The following CTNNAL1 variants were observed in gnomAD, a reference collection of about 807,000 sequenced individuals.
The protein encoded by CTNNAL1 is alpha-catulin.
CTNNAL1 carries 69 observed loss-of-function variants against 93.6 expected under a neutral mutation model. The observed-to-expected ratio is 0.74, with a 90% CI of 0.61 to 0.90. The LOEUF is 0.90. Ranked by LOEUF, CTNNAL1 falls within the 40% of genes least tolerant of loss-of-function variation. CTNNAL1 has a pLI of 0.00. For missense variants in CTNNAL1, 836 were observed against 862.0 expected, an observed-to-expected ratio of 0.97 and a Z score of 0.38; for synonymous variants, 286 against 305.4, an observed-to-expected ratio of 0.94 and a Z score of 0.66.
intron 2 of CTNNAL1, among the ~76,000 whole-genome samples, chr9:108,994,329 T>C (rs565688670): frequency 6.6e-6 from 1 of 151,934 alleles, no homozygotes; most frequent in African/African-American, 2.4e-5. Flanking sequence ...GGGTGTGAAA[T>C]AGTAGGGACC....
At chr9:108,950,644 G>C (rs2289481) in intron 14 of CTNNAL1, 554,634 of 1,538,994 alleles carry the variant, frequency 0.36, 101,975 homozygotes, top group Admixed American at 0.48. Flanking sequence ...CCTCACTTCT[G>C]TCTGCTGCCT....
At chr9:108,999,771 T>C (rs1826726180) in intron 1 of CTNNAL1, among the ~76,000 whole-genome samples, 1 of 152,206 alleles carries the variant, frequency 6.6e-6, no homozygotes, top group African/African-American at 2.4e-5. Context: ...TAATCTATAT[T>C]TCACATTTTG....
At chr9:109,004,976 C>T (rs1449535481) in intron 1 of CTNNAL1, among the ~76,000 whole-genome samples, 1 of 152,078 alleles carries the variant, frequency 6.6e-6, no homozygotes, top group African/African-American at 2.4e-5. Context: ...ATACTTGGCT[C>T]ATACAACTAA....
chr9:108,972,920 G>T, intron 8 of CTNNAL1, 87 bp from the exon 9 acceptor site: 1 of 1,409,874 alleles, frequency 7.1e-7, no homozygotes, highest in Non-Finnish European at 9.3e-7. Context: ...AACATTTTGT[G>T]ACCAAGCACC....
chr9:108,988,013 C>T (rs1831669933), intron 4 of CTNNAL1, among the ~76,000 whole-genome samples: 1 of 152,156 alleles, frequency 6.6e-6, no homozygotes. Flanking sequence ...AATTGAACAC[C>T]CTTTATTTCC....
intron 10 of CTNNAL1, 67 bp from the exon 11 acceptor site, chr9:108,965,595 C>G (rs951513013): frequency 3.4e-6 from 3 of 872,020 alleles, no homozygotes; most frequent in Admixed American, 6.4e-5. Context: ...CTTTGAAGAC[C>G]AAAGGTAAGT....
chr9:108,947,307 G>C (rs368433400), intron 15 of CTNNAL1, among the ~76,000 whole-genome samples: 1 of 152,052 alleles, frequency 6.6e-6, no homozygotes, highest in Non-Finnish European at 1.5e-5. Flanking sequence ...TGGAGACAGG[G>C]TTCCACCGTG....
intron 18 of CTNNAL1, 42 bp from the exon 19 acceptor site, chr9:108,942,876 A>G (rs776961178): frequency 6.2e-7 from 1 of 1,610,306 alleles, no homozygotes; most frequent in South Asian, 1.1e-5. Flanking sequence ...TTCACTCTGA[A>G]AAAAAAATTA....
In CTNNAL1 at chr9:108,979,175, T is replaced by A. The variant is rs1357315925; in HGVS notation, c.1101+106A>T. The A allele has an allele frequency of 2.1e-6, 3 of 1,404,168 alleles. No individual in the cohort carries two copies. In the Admixed American group the frequency reaches 6.3e-5, roughly 29 times the overall value. The allele number at this position is 1,404,168 out of a possible 1,614,324, so 87.0% of individuals were successfully genotyped here. A position where few individuals can be genotyped will look rare whatever the true frequency, so the allele number is the denominator to read the frequency against. On this transcript the variant is annotated intron_variant, in intron 7 of 18. Coordinates refer to ENST00000325551, the MANE Select transcript of CTNNAL1 (RefSeq NM_003798.4). Reference sequence around the variant, plus strand: ...AGGGATGAGATATCCTGTCCCATTCTGGAACAAATTCATACTCCTGGTGAT... The same window carrying A: ...AGGGATGAGATATCCTGTCCCATTCAGGAACAAATTCATACTCCTGGTGAT...
At chr9:108,945,557 G>GCTCAAGCGATCCTCCTGC (rs1830376198) in intron 15 of CTNNAL1, among the ~76,000 whole-genome samples, 1 of 150,862 alleles carries the variant, frequency 6.6e-6, no homozygotes, top group Non-Finnish European at 1.5e-5. Flanking sequence ...GACCTCCCAG[G>GCTCAAGCGATCCTCCTGC]CTCAAGCGAT....
chr9:108,967,438 G>A (rs1008771368), intron 10 of CTNNAL1, among the ~76,000 whole-genome samples: 2 of 152,154 alleles, frequency 1.3e-5, no homozygotes, highest in African/African-American at 4.8e-5. Context: ...CTACATACTA[G>A]TAGGCACTGT....
At chr9:108,981,494 A>C (rs994020301) in intron 6 of CTNNAL1, among the ~76,000 whole-genome samples, 44 of 152,268 alleles carry the variant, frequency 2.9e-4, no homozygotes, top group African/African-American at 8.4e-4. Flanking sequence ...CAAAAAAAAA[A>C]AAAACAGTAT....
At chr9:108,988,340 TCC>T (rs946575034) in intron 4 of CTNNAL1, among the ~76,000 whole-genome samples, 4 of 151,936 alleles carry the variant, frequency 2.6e-5, no homozygotes, top group Admixed American at 2.6e-4. Flanking sequence ...CACCTCAGCC[TCC>T]CAAAGTGCTG....
intron 11 of CTNNAL1, among the ~76,000 whole-genome samples, chr9:108,957,838 C>G (rs1830720922): frequency 6.6e-6 from 1 of 151,758 alleles, no homozygotes; most frequent in East Asian, 1.9e-4. Context: ...AAGTAGGAAC[C>G]CGGGCATGGT....
chr9:108,993,901 G>C (rs1831908728), intron 2 of CTNNAL1, among the ~76,000 whole-genome samples: 1 of 152,164 alleles, frequency 6.6e-6, no homozygotes, highest in South Asian at 2.1e-4. Context: ...AATCTTAATG[G>C]AGAGGCCACA....
intron 1 of CTNNAL1, among the ~76,000 whole-genome samples, chr9:109,004,470 T>A (rs1263897006): frequency 1.3e-5 from 2 of 152,194 alleles, no homozygotes; most frequent in East Asian, 1.9e-4. Context: ...TTAGCCATAT[T>A]GCCTTCTCTG....
At chr9:108,991,355 G>C (rs1831798172) in intron 3 of CTNNAL1, among the ~76,000 whole-genome samples, 1 of 152,160 alleles carries the variant, frequency 6.6e-6, no homozygotes, top group Admixed American at 6.5e-5. Context: ...GGGAAAATTA[G>C]TCTGGCTCAG....
intron 8 of CTNNAL1, among the ~76,000 whole-genome samples, chr9:108,976,656 GAGTAGCTGGGACTACAGGTGCTAACCAC>G (rs1396997150): frequency 4.0e-5 from 6 of 151,734 alleles, no homozygotes; most frequent in Non-Finnish European, 8.8e-5. Context: ...TCAGCCTCCC[GAGTAGCTGGGACTACAGGTGCTAACCAC>G]CACACCTGGC....
chr9:108,999,685 GA>G, intron 1 of CTNNAL1, among the ~76,000 whole-genome samples: 1 of 152,116 alleles, frequency 6.6e-6, no homozygotes, highest in East Asian at 1.9e-4. Context: ...GCCTACCATG[GA>G]GCACAGGCTG....
Sources: allele counts gnomAD v4.1 joint callset (sites outside exome capture counted in the v4.1 genomes callset), GRCh38; gene constraint gnomAD v4.1.1; transcripts MANE v1.5; gene names NCBI Gene and HGNC (gene_info 2026-07-23, HGNC 2026-07-21).